Variants in TTBK2 observed in about 807,000 individuals in gnomAD.
TTBK2 encodes the protein tau-tubulin kinase 2.
TTBK2 carries 28 observed loss-of-function variants against 110.8 expected under a neutral mutation model. The observed-to-expected ratio is 0.25, with a 90% CI of 0.19 to 0.35. The LOEUF (loss-of-function observed/expected upper bound fraction) is 0.35. Among genes scored for constraint, TTBK2 ranks in the 10% least tolerant of loss-of-function variants. The probability of loss-of-function intolerance (pLI) is 1.00; values close to 1 mark genes in which losing one functional copy is unlikely to be tolerated. For missense variants in TTBK2, 1,369 were observed against 1,500.3 expected, an observed-to-expected ratio of 0.91 and a Z score of 1.45; for synonymous variants, 532 against 527.3, an observed-to-expected ratio of 1.01 and a Z score of -0.12.
chr15:42,907,391 C>T (rs957729740), intron 1 of TTBK2, among the ~76,000 whole-genome samples: 1 of 152,186 alleles, frequency 6.6e-6, no homozygotes, highest in African/African-American at 2.4e-5. Context: ...ATGTTTATTG[C>T]AGCACTATTA....
At chr15:42,895,520 G>C (rs961949776) in intron 1 of TTBK2, among the ~76,000 whole-genome samples, 5 of 151,518 alleles carry the variant, frequency 3.3e-5, no homozygotes, top group African/African-American at 9.7e-5. Context: ...AAAAAAAATA[G>C]AATGTATACA....
At chr15:42,837,818 T>C (rs1158997227) in intron 4 of TTBK2, among the ~76,000 whole-genome samples, 2 of 152,124 alleles carry the variant, frequency 1.3e-5, no homozygotes, top group Admixed American at 1.3e-4. Flanking sequence ...GAAGGATGGC[T>C]GAGGGAAACA....
intron 1 of TTBK2, chr15:42,919,779 A>T (rs1435714692): frequency 1.0e-6 from 1 of 985,174 alleles, no homozygotes; most frequent in African/African-American, 1.7e-5. Flanking sequence ...GCCTCGACGG[A>T]TACAAAATTA....
At chr15:42,848,132 G>A (rs1367160960) in intron 3 of TTBK2, among the ~76,000 whole-genome samples, 1 of 152,020 alleles carries the variant, frequency 6.6e-6, no homozygotes, top group Non-Finnish European at 1.5e-5. Context: ...TGATGGAATG[G>A]CTCAAACTAA....
In TTBK2 at chr15:42,801,085, C is replaced by G. The variant is rs779637306; in HGVS notation, c.823-6284G>C. 1.5e-5 allele frequency: 12 copies of G among 799,802 alleles called. No homozygotes were observed. The African/African-American group carries it at 1.8e-4, about 12-fold the overall frequency. 49.5% of individuals were successfully genotyped at this position (799,802 alleles called of 1,614,324 possible). On this transcript the variant is annotated intron_variant, in intron 9 of 14. Coordinates refer to ENST00000267890, the MANE Select transcript of TTBK2 (RefSeq NM_173500.4). ...AAGGAGCTGGAGCCCATGCCAGAGC[C>G]AAAGCTGGAGCCCAGGCCGTAGCTG...
chr15:42,905,214 C>T (rs188158974), intron 1 of TTBK2, among the ~76,000 whole-genome samples: 30 of 151,958 alleles, frequency 2.0e-4, no homozygotes, highest in African/African-American at 7.0e-4. Flanking sequence ...TTCACATATA[C>T]AAATAGAGTA....
At chr15:42,803,423 T>C (rs1891309313) in intron 9 of TTBK2, among the ~76,000 whole-genome samples, 1 of 152,196 alleles carries the variant, frequency 6.6e-6, no homozygotes, top group Admixed American at 6.5e-5. Context: ...GGCACATGAC[T>C]GTATATTAAG....
At chr15:42,801,871 A>G in intron 9 of TTBK2, 1 of 1,098,396 alleles carries the variant, frequency 9.1e-7, no homozygotes. Context: ...ACTGATCTCA[A>G]CCTCATACTT....
chr15:42,878,611 C>G lies in TTBK2; in HGVS notation c.7G>C (p.Gly3Arg), dbSNP rs150725913. The change falls in exon 2 of 15, where the codon GGG becomes CGG. Residue 3 changes from glycine (G) to arginine (R), a missense_variant. Gly to Arg is a moderately radical substitution (Grantham distance 125). Around this residue, in one of 4 missense-constraint regions of TTBK2, gnomAD observed 122 missense variants for 159.7 expected, o/e 0.76. Transcript: ENST00000267890. Reference sequence around the variant, plus strand: ...AGGATATCCAGCTGCTCTCCTCCCCCACTCATTGCAATACACTGATATGGT... The same window carrying G: ...AGGATATCCAGCTGCTCTCCTCCCCGACTCATTGCAATACACTGATATGGT... MS[G>R]GGEQLDILSV... 151 of 1,613,834 alleles carry G rather than the reference C, an allele frequency of 9.4e-5. No homozygotes were observed. The highest frequency in any genetic ancestry group is 3.0e-4 in the Admixed American group (18 of 59,978).
chr15:42,798,151 T>C, intron 9 of TTBK2: 1 of 450,738 alleles, frequency 2.2e-6, no homozygotes, highest in South Asian at 1.6e-5. Flanking sequence ...CCCTAAGTGC[T>C]GGGATTATAG....
intron 10 of TTBK2, among the ~76,000 whole-genome samples, chr15:42,791,223 T>C (rs764318961): frequency 2.0e-5 from 3 of 151,950 alleles, no homozygotes; most frequent in African/African-American, 7.3e-5. Flanking sequence ...TTTCACCATA[T>C]TGGACAGGCT....
Position 42,840,305 on chromosome 15 carries a change from T to C in TTBK2, c.291+55A>G, listed in dbSNP as rs145703821. ...ACTTTTTATTCATATTCACTGTAAT[T>C]GTATACTTTGATCAAAACTGAAGAA... On this transcript the variant is annotated intron_variant, in intron 4 of 14. Coordinates refer to ENST00000267890, the MANE Select transcript of TTBK2 (RefSeq NM_173500.4). The C allele has an allele frequency of 2.7e-5, 39 of 1,420,860 alleles. No homozygotes were observed. The East Asian group carries it at 8.2e-4, about 30-fold the overall frequency. The allele number at this position is 1,420,860 out of a possible 1,614,324, so 88.0% of individuals were successfully genotyped here.
intron 3 of TTBK2, among the ~76,000 whole-genome samples, chr15:42,865,207 C>G (rs1054427109): frequency 1.3e-5 from 2 of 151,944 alleles, no homozygotes; most frequent in African/African-American, 4.8e-5. Context: ...TATGGACGGT[C>G]GAGGTGGGTC....
chr15:42,751,134 A>G (rs1014702609), intron 14 of TTBK2, among the ~76,000 whole-genome samples: 15 of 152,202 alleles, frequency 9.9e-5, no homozygotes, highest in Non-Finnish European at 1.8e-4. Context: ...CCATATGAAT[A>G]AATAAAGATC....
rs2061761172 is a variant in TTBK2 at position 42,743,284 on chromosome 15, A to T, written c.*2511T>A. 6.6e-6 allele frequency: 1 copy of T among 152,230 alleles called. No individual in the cohort carries two copies. Among genetic ancestry groups the T allele is most frequent in the African/African-American group, 2.4e-5 (1 of 41,456 alleles). The allele number at this position is 152,230 out of a possible 1,614,324, so 9.4% of individuals were successfully genotyped here. A position where few individuals can be genotyped will look rare whatever the true frequency, so the allele number is the denominator to read the frequency against. On this transcript the variant is annotated 3_prime_UTR_variant, in exon 15 of 15. Transcript: ENST00000267890. ...CAACACACTAGAAAAGTTGAGATAA[A>T]AATGGAAGGAACCAAGAAAGAGAGA...
intron 3 of TTBK2, among the ~76,000 whole-genome samples, chr15:42,848,296 C>T (rs1249318134): frequency 3.9e-5 from 6 of 152,078 alleles, no homozygotes; most frequent in Admixed American, 3.3e-4. Context: ...ATCAGCTTCT[C>T]TATAACTACA....
Position 42,920,554 on chromosome 15 carries a change from C to G in TTBK2, c.-184G>C, listed in dbSNP as rs1439973590. The G allele has an allele frequency of 1.3e-5, 2 of 153,590 alleles. No individual in the cohort carries two copies. The highest frequency in any genetic ancestry group is 1.5e-5 in the Non-Finnish European group (1 of 68,524). 9.5% of individuals were successfully genotyped at this position (153,590 alleles called of 1,614,324 possible). A position where few individuals can be genotyped will look rare whatever the true frequency, so the allele number is the denominator to read the frequency against. On this transcript the variant is annotated 5_prime_UTR_variant, in exon 1 of 15. Transcript: ENST00000267890. ...CCGCCACTGCCTGCCCATCCCCCACCGCCGACTGCGGCGGGACCCGAGCGC... is the reference window on the plus strand; with the variant it reads ...CCGCCACTGCCTGCCCATCCCCCACGGCCGACTGCGGCGGGACCCGAGCGC...
At chr15:42,915,697 T>C (rs1398052814) in intron 1 of TTBK2, among the ~76,000 whole-genome samples, 1 of 152,126 alleles carries the variant, frequency 6.6e-6, no homozygotes. Flanking sequence ...CTATAATTCC[T>C]GCACTTTGGG....
chr15:42,786,474 G>A (rs1201511034), intron 10 of TTBK2, among the ~76,000 whole-genome samples: 4 of 152,076 alleles, frequency 2.6e-5, no homozygotes, highest in East Asian at 1.9e-4. Context: ...GTCTATTATC[G>A]TCACCTTTTT....
Sources: allele counts gnomAD v4.1 joint callset (sites outside exome capture counted in the v4.1 genomes callset), GRCh38; gene constraint gnomAD v4.1.1; regional missense constraint gnomAD v4.1.1; transcripts MANE v1.5; gene names NCBI Gene and HGNC (gene_info 2026-07-23, HGNC 2026-07-21).